SORBS2: variants seen among roughly 807,000 people sequenced by gnomAD.
SORBS2 encodes the protein sorbin and SH3 domain containing 2, also known as sorbin and SH3 domain-containing protein 2.
In SORBS2, 46 loss-of-function variants were observed where a neutral mutation model predicts 97.7. The observed-to-expected ratio is 0.47, with a 90% confidence interval of 0.37 to 0.60. The LOEUF (loss-of-function observed/expected upper bound fraction) is 0.60, where lower values mean the gene tolerates loss of function less well. SORBS2 is among the 20% of genes least tolerant of loss of function. The pLI, the probability that SORBS2 is intolerant of heterozygous loss-of-function variation, is 0.00. For missense variants in SORBS2, 1,316 were observed against 1,282.3 expected (o/e 1.03, Z -0.40); for synonymous variants, 476 against 473.4 (o/e 1.01, Z -0.07).
chr4:185,891,423 A>C (rs1268641515), intron 1 of SORBS2, among the ~76,000 whole-genome samples: 1 of 152,176 alleles, frequency 6.6e-6, no homozygotes, highest in Non-Finnish European at 1.5e-5. Context: ...AGAATGAGGG[A>C]CCTGAATTAT....
chr4:185,624,602 A>G, intron 6 of SORBS2, 108 bp from the exon 19 acceptor site: 1 of 1,221,260 alleles, frequency 8.2e-7, no homozygotes, highest in Non-Finnish European at 1.1e-6. Context: ...AGCAAGGAGA[A>G]AGCAGTTAGT....
chr4:185,850,872 C>T (rs2099217483), intron 1 of SORBS2, among the ~76,000 whole-genome samples: 1 of 152,156 alleles, frequency 6.6e-6, no homozygotes, highest in African/African-American at 2.4e-5. Context: ...TGGGCATCAT[C>T]TCATCTGTTG....
chr4:185,624,575 A>C, intron 6 of SORBS2, 81 bp from the exon 19 acceptor site: 2 of 692,404 alleles, frequency 2.9e-6, no homozygotes, highest in Non-Finnish European at 1.9e-6. Context: ...GCATGTCAGT[A>C]AAGCATCAGA....
intron 1 of SORBS2, among the ~76,000 whole-genome samples, chr4:185,852,524 G>T (rs1259837755): frequency 1.3e-5 from 2 of 152,146 alleles, no homozygotes; most frequent in East Asian, 1.9e-4. Context: ...AGGTCATTTG[G>T]TTGTTTTGTA....
At position 185,809,076 on chromosome 4, in the gene SORBS2, T is replaced by C. The variant is rs759685660; in HGVS notation, c.-337-33710A>G. ...CAAATCAGAAAAATGAAAGCCTCAT[T>C]GTTGTTTTTCAAATGTTTTAAGTTT... On this transcript the variant is annotated intron_variant, in intron 1 of 20. Transcript: ENST00000284776. Among the ~76,000 whole-genome samples the C allele has an allele frequency of 5.3e-5, 8 of 152,098 alleles. No homozygotes were observed. In the South Asian group the frequency reaches 6.2e-4, roughly 12 times the overall value.
At chr4:185,830,904 G>C (rs2099204742) in intron 1 of SORBS2, among the ~76,000 whole-genome samples, 1 of 152,144 alleles carries the variant, frequency 6.6e-6, no homozygotes, top group Admixed American at 6.5e-5. Flanking sequence ...CATTCTGCTA[G>C]AAAGGCCCAG....
chr4:185,868,147 C>CTTTCTTTCTTTTTTTTTT lies in SORBS2; in HGVS notation c.-338+88048_-338+88049insAAAAAAAAAAGAAAGAAA, dbSNP rs1288748201. ...TCTACTTTCCTTTCTCTTTTCTTTT[C>CTTTCTTTCTTTTTTTTTT]TTTTTTTCTTTCTTTTTTTTTTTTT... On this transcript the variant is annotated intron_variant, in intron 1 of 20. Transcript: ENST00000284776. Among the ~76,000 whole-genome samples the CTTTCTTTCTTTTTTTTTT allele has an allele frequency of 2.5e-3, 228 of 89,684 alleles. 22 individuals carry two copies. The highest frequency in any genetic ancestry group is 0.014 in the Middle Eastern group (2 of 146). The allele number at this position is 89,684 out of a possible 152,430, so 58.8% of individuals were successfully genotyped here.
chr4:185,677,870 G>A (rs976663686), intron 4 of SORBS2, among the ~76,000 whole-genome samples: 1 of 152,110 alleles, frequency 6.6e-6, no homozygotes, highest in East Asian at 1.9e-4. Context: ...AAAAAGTGTT[G>A]CCAGAGAATA....
At chr4:185,790,983 T>C (rs2153646080) in intron 1 of SORBS2, among the ~76,000 whole-genome samples, 1 of 152,266 alleles carries the variant, frequency 6.6e-6, no homozygotes. Flanking sequence ...GAGTAGAAAA[T>C]CATGAGTATG....
At chr4:185,737,280 C>T (rs1217176557) in intron 2 of SORBS2, among the ~76,000 whole-genome samples, 1 of 152,064 alleles carries the variant, frequency 6.6e-6, no homozygotes. Context: ...CCGCAGCAGC[C>T]CAGGCCTGGC....
At position 185,677,777 on chromosome 4, in the gene SORBS2, C is replaced by T. The variant is rs1027714518; in HGVS notation, c.-46+646G>A. 1.6e-5 allele frequency: 8 copies of T among 487,090 alleles called. No homozygotes were observed. In the Admixed American group the frequency reaches 2.4e-4, roughly 15 times the overall value. The allele number at this position is 487,090 out of a possible 1,614,324, so 30.2% of individuals were successfully genotyped here. A position where few individuals can be genotyped will look rare whatever the true frequency, so the allele number is the denominator to read the frequency against. ...ATGCCACACCTTCTGATTATGCTAT[C>T]CATTTTGTTAGCTAGATTGAGTGAT... On this transcript the variant is annotated intron_variant, in intron 4 of 20. Coordinates refer to the SORBS2 transcript ENST00000284776.
At chr4:185,776,997 C>T (rs749454531) in intron 1 of SORBS2, among the ~76,000 whole-genome samples, 3 of 151,452 alleles carry the variant, frequency 2.0e-5, no homozygotes, top group Non-Finnish European at 2.9e-5. Flanking sequence ...TCTTTCTTTG[C>T]CATTAAAGAA....
At chr4:185,807,769 G>A (rs1465783102) in intron 1 of SORBS2, among the ~76,000 whole-genome samples, 1 of 152,070 alleles carries the variant, frequency 6.6e-6, no homozygotes, top group East Asian at 1.9e-4. Context: ...ATTTTTCCAC[G>A]TGACAGTGGC....
intron 3 of SORBS2, among the ~76,000 whole-genome samples, chr4:185,647,293 C>T (rs1258369229): frequency 1.3e-5 from 2 of 152,118 alleles, no homozygotes; most frequent in African/African-American, 4.8e-5. Context: ...TGGGAACCAG[C>T]ACTTTTCCCC....
chr4:185,897,260 T>A (rs1383394302), intron 1 of SORBS2, among the ~76,000 whole-genome samples: 1 of 152,194 alleles, frequency 6.6e-6, no homozygotes, highest in Non-Finnish European at 1.5e-5. Context: ...CTGACCCACC[T>A]TGTTTGAGTG....
chr4:185,654,622 A>G (rs572936361), intron 1 of SORBS2, among the ~76,000 whole-genome samples: 6 of 152,346 alleles, frequency 3.9e-5, no homozygotes, highest in African/African-American at 1.4e-4. Context: ...ATAAAATACG[A>G]AAACTCTATG....
chr4:185,670,170 G>A (rs2097690464), intron 4 of SORBS2, among the ~76,000 whole-genome samples: 1 of 150,924 alleles, frequency 6.6e-6, no homozygotes, highest in Non-Finnish European at 1.5e-5. Context: ...AGTGGGCCGA[G>A]ATCACACCAC....
At chr4:185,770,989 T>TTTA (rs2098967047) in intron 2 of SORBS2, 4 of 143,688 alleles carry the variant, frequency 2.8e-5, no homozygotes, top group Non-Finnish European at 6.1e-5. Context: ...TTTTTTTTTT[T>TTTA]TTTTTTTTGA....
At chr4:185,800,067 G>A (rs891169950) in intron 1 of SORBS2, among the ~76,000 whole-genome samples, 5 of 152,124 alleles carry the variant, frequency 3.3e-5, no homozygotes, top group Non-Finnish European at 7.4e-5. Flanking sequence ...GGTGGTGCAC[G>A]CCTGTAATCC....
Sources: allele counts gnomAD v4.1 joint callset (sites outside exome capture counted in the v4.1 genomes callset), GRCh38; gene constraint gnomAD v4.1.1; transcripts MANE v1.5; gene names NCBI Gene and HGNC (gene_info 2026-07-23, HGNC 2026-07-21).